The following SGCZ variants were observed in gnomAD, a reference collection of about 807,000 sequenced individuals.
The protein encoded by SGCZ is sarcoglycan zeta, also known as zeta-sarcoglycan.
A neutral mutation model predicts 41.3 loss-of-function variants in SGCZ; 40 were observed. That is an observed-to-expected ratio of 0.97 (90% CI 0.75 to 1.26). The LOEUF is 1.26. SGCZ is among the 50% of genes most tolerant of loss of function. The probability of loss-of-function intolerance (pLI) is 0.00; values close to 1 mark genes in which losing one functional copy is unlikely to be tolerated. For missense variants in SGCZ, 552 were observed against 369.8 expected, an observed-to-expected ratio of 1.49 and a Z score of -4.04; for synonymous variants, 206 against 137.5, an observed-to-expected ratio of 1.50 and a Z score of -3.49.
intron 2 of SGCZ, among the ~76,000 whole-genome samples, chr8:14,407,717 C>G (rs570912013): frequency 6.6e-6 from 1 of 152,134 alleles, no homozygotes; most frequent in African/African-American, 2.4e-5. Context: ...AGAAGATTCC[C>G]ATTTGTTGTG....
At chr8:14,330,658 G>C (rs1238921629) in intron 2 of SGCZ, among the ~76,000 whole-genome samples, 1 of 151,696 alleles carries the variant, frequency 6.6e-6, no homozygotes, top group Non-Finnish European at 1.5e-5. Flanking sequence ...AAAATCCACA[G>C]CCAGAACTTT....
In SGCZ at chr8:14,564,502, T is replaced by A. The variant is rs1392184273; in HGVS notation, c.40-9576A>T. Among the ~76,000 whole-genome samples, 4 of 152,088 alleles carry A rather than the reference T, an allele frequency of 2.6e-5. No homozygotes were observed. The East Asian group carries it at 7.7e-4, about 29-fold the overall frequency. On this transcript the variant is annotated intron_variant, in intron 1 of 7. Transcript: ENST00000382080. ...TGTCCCAGTTTCCTCAAAGCTCAAA[T>A]GCATATTACATTGACATATATAAAG...
In SGCZ at chr8:14,171,684, CAA is replaced by C. The variant is rs561237702; in HGVS notation, c.425-6984_425-6983del. Among the ~76,000 whole-genome samples the C allele has an allele frequency of 2.6e-4, 39 of 152,032 alleles. No homozygotes were observed. In the East Asian group the frequency reaches 4.6e-3, roughly 18 times the overall value. On this transcript the variant is annotated intron_variant, in intron 4 of 7. Coordinates refer to ENST00000382080, the MANE Select transcript of SGCZ (RefSeq NM_139167.4). ...ATGTATTATCTCATTAAAATGTTAT[CAA>C]AGAGTTTCTATCTTTTCTTGAGTAC...
At chr8:14,584,268 G>A (rs111747683) in intron 1 of SGCZ, among the ~76,000 whole-genome samples, 92 of 152,196 alleles carry the variant, frequency 6.0e-4, no homozygotes, top group African/African-American at 2.1e-3. Context: ...TTTACAAGGC[G>A]CAGAAAGCAC....
At chr8:14,261,068 G>A (rs1340513127) in intron 3 of SGCZ, among the ~76,000 whole-genome samples, 3 of 151,688 alleles carry the variant, frequency 2.0e-5, no homozygotes, top group Admixed American at 1.3e-4. Context: ...TGCCCAATGT[G>A]CACATGTACC....
intron 2 of SGCZ, among the ~76,000 whole-genome samples, chr8:14,341,678 G>A (rs1468001477): frequency 2.0e-5 from 3 of 152,186 alleles, no homozygotes; most frequent in South Asian, 2.1e-4. Flanking sequence ...AGGGACCCAA[G>A]AGGAAGTAAT....
chr8:14,232,335 C>G (rs1340940039), intron 4 of SGCZ, among the ~76,000 whole-genome samples: 1 of 151,908 alleles, frequency 6.6e-6, no homozygotes, highest in Non-Finnish European at 1.5e-5. Context: ...GTCAACTCTG[C>G]TACAAAAGCT....
intron 2 of SGCZ, among the ~76,000 whole-genome samples, chr8:14,453,047 G>C (rs750728216): frequency 5.9e-5 from 9 of 151,968 alleles, no homozygotes; most frequent in Non-Finnish European, 1.3e-4. Flanking sequence ...AGGCTGCAGG[G>C]AGCCGAGATG....
chr8:14,474,337 T>C (rs983652702), intron 2 of SGCZ, among the ~76,000 whole-genome samples: 3 of 152,226 alleles, frequency 2.0e-5, no homozygotes, highest in African/African-American at 7.2e-5. Flanking sequence ...ATCCATGCAG[T>C]TGATTAAGAT....
chr8:14,174,500 T>C (rs961994058), intron 4 of SGCZ, among the ~76,000 whole-genome samples: 23 of 151,992 alleles, frequency 1.5e-4, no homozygotes, highest in Admixed American at 3.9e-4. Flanking sequence ...AAATTCATAA[T>C]GAAATAATGA....
intron 1 of SGCZ, among the ~76,000 whole-genome samples, chr8:15,107,664 T>C (rs1432991624): frequency 6.6e-6 from 1 of 152,180 alleles, no homozygotes; most frequent in African/African-American, 2.4e-5. Flanking sequence ...TTTGTTTGTT[T>C]ATTTTTGTTT....
intron 2 of SGCZ, among the ~76,000 whole-genome samples, chr8:14,336,934 C>G (rs1802524521): frequency 6.6e-6 from 1 of 152,122 alleles, no homozygotes. Context: ...ATCCCACACA[C>G]TTGTTTTCAA....
At chr8:14,632,796 A>G (rs376250473) in intron 1 of SGCZ, among the ~76,000 whole-genome samples, 3 of 152,056 alleles carry the variant, frequency 2.0e-5, no homozygotes, top group Non-Finnish European at 4.4e-5. Flanking sequence ...GTCATCCTAT[A>G]AGATAAAGGG....
At chr8:14,253,490 A>G (rs1267088395) in intron 3 of SGCZ, among the ~76,000 whole-genome samples, 1 of 152,146 alleles carries the variant, frequency 6.6e-6, no homozygotes. Flanking sequence ...TTATGCCTCA[A>G]AGCTGACCCA....
chr8:14,797,477 GC>G (rs1485196117), intron 1 of SGCZ, among the ~76,000 whole-genome samples: 1 of 152,160 alleles, frequency 6.6e-6, no homozygotes, highest in Non-Finnish European at 1.5e-5. Context: ...GATTATTTAG[GC>G]TATCTGGCAG....
At chr8:15,089,272 G>A (rs1806062979) in intron 1 of SGCZ, among the ~76,000 whole-genome samples, 1 of 152,068 alleles carries the variant, frequency 6.6e-6, no homozygotes, top group African/African-American at 2.4e-5. Flanking sequence ...TGTCTCCATT[G>A]CTATTATATT....
At chr8:14,601,618 T>C (rs1805592261) in intron 1 of SGCZ, among the ~76,000 whole-genome samples, 1 of 152,306 alleles carries the variant, frequency 6.6e-6, no homozygotes, top group East Asian at 1.9e-4. Context: ...TTTGATTGTT[T>C]ACAAAATCTG....
chr8:14,919,909 C>T (rs1315665841), intron 1 of SGCZ, among the ~76,000 whole-genome samples: 1 of 152,080 alleles, frequency 6.6e-6, no homozygotes. Context: ...CAGAGTGAGA[C>T]TCTGTTTTTT....
chr8:15,195,958 C>T (rs1233333783), intron 1 of SGCZ, among the ~76,000 whole-genome samples: 42 of 118,198 alleles, frequency 3.6e-4, no homozygotes, highest in African/African-American at 1.3e-3. Context: ...AGTGCAGTGG[C>T]GCGATCTTGG....
Sources: allele counts gnomAD v4.1 joint callset (sites outside exome capture counted in the v4.1 genomes callset), GRCh38; gene constraint gnomAD v4.1.1; transcripts MANE v1.5; gene names NCBI Gene and HGNC (gene_info 2026-07-23, HGNC 2026-07-21).